The following PRKAR1B variants were observed in gnomAD, a reference collection of about 807,000 sequenced individuals.
PRKAR1B encodes the protein protein kinase cAMP-dependent type I regulatory subunit beta.
PRKAR1B carries 22 observed loss-of-function variants against 46.5 expected under a neutral mutation model. The ratio of observed to expected loss-of-function variants is 0.47; its 90% CI spans 0.34 to 0.68. The LOEUF is 0.68. Ranked by LOEUF, PRKAR1B falls within the 30% of genes least tolerant of loss-of-function variation. PRKAR1B has a pLI of 0.01. For missense variants in PRKAR1B, 445 were observed against 535.6 expected (o/e 0.83, Z 1.67); for synonymous variants, 259 against 217.7 (o/e 1.19, Z -1.67).
At chr7:688,581 AAC>A (rs1286476589) in intron 2 of PRKAR1B, among the ~76,000 whole-genome samples, 1 of 151,966 alleles carries the variant, frequency 6.6e-6, no homozygotes, top group Non-Finnish European at 1.5e-5. Context: ...TCCCACACGA[AAC>A]ACACTTCCGC....
chr7:560,906 T>G lies in PRKAR1B; in HGVS notation c.892-9436A>C, dbSNP rs1011314258. On this transcript the variant is annotated intron_variant, in intron 9 of 10. Transcript: ENST00000537384. This position sits in a 1 kb window ranked among gnomAD's most constrained non-coding sequence, Gnocchi z 4.2. ...ACGTTCCTCCCTCCAGTGAGACTCC[T>G]CAGAGCCTGGAAAATTCAGGCTCAC... Among the ~76,000 whole-genome samples the G allele has an allele frequency of 6.6e-6, 1 of 152,178 alleles. No homozygotes were observed. The highest frequency in any genetic ancestry group is 1.5e-5 in the Non-Finnish European group (1 of 68,028).
chr7:615,998 A>G (rs1782799691), intron 4 of PRKAR1B, among the ~76,000 whole-genome samples: 1 of 98,060 alleles, frequency 1.0e-5, no homozygotes, highest in Non-Finnish European at 2.0e-5. Flanking sequence ...GAGAGAAAGA[A>G]AAAGGAAGAA....
chr7:613,124 A>G (rs1782619748), intron 4 of PRKAR1B, among the ~76,000 whole-genome samples: 1 of 152,174 alleles, frequency 6.6e-6, no homozygotes, highest in Non-Finnish European at 1.5e-5. Context: ...TACAATTTAA[A>G]AACACAACCA....
rs1233061087 is a variant in PRKAR1B, at chr7:660,527, G to A, written c.440+16702C>T. On this transcript the variant is annotated intron_variant, in intron 4 of 10. Transcript: ENST00000537384. ...TCCAAATACCTACTCTCCCCCCCATGGCACAGGTCCCCACCCCAACGGGTC... is the reference window on the plus strand; with the variant it reads ...TCCAAATACCTACTCTCCCCCCCATAGCACAGGTCCCCACCCCAACGGGTC... 7.7e-3 allele frequency among the ~76,000 whole-genome samples: 521 copies of A among 67,464 alleles called. 1 individual carries two copies. The highest frequency in any genetic ancestry group is 0.013 in the East Asian group (31 of 2,366). The allele number at this position is 67,464 out of a possible 152,430, so 44.3% of individuals were successfully genotyped here. A position where few individuals can be genotyped will look rare whatever the true frequency, so the allele number is the denominator to read the frequency against.
intron 9 of PRKAR1B, among the ~76,000 whole-genome samples, chr7:576,970 G>A (rs924509217): frequency 2.2e-4 from 33 of 150,950 alleles, no homozygotes; most frequent in African/African-American, 5.6e-4. Flanking sequence ...CGCCATCAGC[G>A]GCCTCGTCCA....
At chr7:672,594 G>A (rs1004925182) in intron 4 of PRKAR1B, among the ~76,000 whole-genome samples, 7 of 152,134 alleles carry the variant, frequency 4.6e-5, no homozygotes, top group Admixed American at 1.3e-4. Flanking sequence ...ATAGCCAGGC[G>A]CGATGGCTCA....
intron 7 of PRKAR1B, among the ~76,000 whole-genome samples, chr7:587,455 C>T (rs760401657): frequency 3.9e-5 from 6 of 152,196 alleles, no homozygotes; most frequent in Admixed American, 6.5e-5. Flanking sequence ...TACCCACTGC[C>T]GTGGTGAAGT....
In PRKAR1B at chr7:596,150, A is replaced by G; in HGVS notation, c.704T>C (p.Leu235Pro). 1.2e-6 allele frequency: 2 copies of G among 1,613,104 alleles called. No homozygotes were observed. Among genetic ancestry groups the G allele is most frequent in the Non-Finnish European group, 1.7e-6 (2 of 1,179,424 alleles). Residue 235 changes from leucine to proline, a missense_variant, in exon 7 of 11, where the codon CTT becomes CCT. Around this residue, in one of 5 missense-constraint regions of PRKAR1B, gnomAD observed 51 missense variants for 85.1 expected, o/e 0.60. Coordinates refer to ENST00000537384, the MANE Select transcript of PRKAR1B (RefSeq NM_001164760.2). ...TGTGCTTGGGCACCAACTCACCATA[A>G]GGATGCGCCGGTAGCTGTCCCGGTC... is the stretch of plus-strand genomic sequence containing the variant. The part of the protein sequence containing the change: ...GIDRDSYRRI[L>P]MGSTLRKRKM...
At chr7:566,153 CAT>C (rs1779112456) in intron 9 of PRKAR1B, among the ~76,000 whole-genome samples, 1 of 150,422 alleles carries the variant, frequency 6.6e-6, no homozygotes, top group Non-Finnish European at 1.5e-5. Flanking sequence ...TTATCATTAC[CAT>C]TACCATCATC....
At chr7:587,543 G>T (rs1179815084) in intron 7 of PRKAR1B, among the ~76,000 whole-genome samples, 1 of 152,250 alleles carries the variant, frequency 6.6e-6, no homozygotes, top group Non-Finnish European at 1.5e-5. Context: ...GCCACCCACA[G>T]CCAGATGCAA....
chr7:705,991 T>A (rs1331907852), intron 2 of PRKAR1B, among the ~76,000 whole-genome samples: 1 of 148,580 alleles, frequency 6.7e-6, no homozygotes, highest in African/African-American at 2.5e-5. Context: ...GTGCCACTGC[T>A]CTCCAGCCTG....
At chr7:561,294 CCA>C (rs1419524583) in intron 9 of PRKAR1B, among the ~76,000 whole-genome samples, 2 of 152,084 alleles carry the variant, frequency 1.3e-5, no homozygotes, top group Admixed American at 6.6e-5. Flanking sequence ...ACACACACAT[CCA>C]CAGAGGATGC....
At chr7:692,428 C>CAGAGAGAGAG (rs138479588) in intron 2 of PRKAR1B, among the ~76,000 whole-genome samples, 5 of 148,444 alleles carry the variant, frequency 3.4e-5, no homozygotes, top group African/African-American at 1.2e-4. Flanking sequence ...GACAGAGAGA[C>CAGAGAGAGAG]AGAGAGAGAG....
intron 4 of PRKAR1B, among the ~76,000 whole-genome samples, chr7:634,662 T>G (rs1275661533): frequency 1.3e-5 from 2 of 148,276 alleles, no homozygotes; most frequent in East Asian, 2.0e-4. Flanking sequence ...TTTTTTAAGG[T>G]GGAGTCTCGC....
chr7:623,905 C>T (rs1266356436), intron 4 of PRKAR1B, among the ~76,000 whole-genome samples: 11 of 152,188 alleles, frequency 7.2e-5, no homozygotes, highest in South Asian at 4.1e-4. Flanking sequence ...GCCAAGTGTC[C>T]GCTCTACCCT....
At chr7:713,366 C>T (rs1374973209) in intron 1 of PRKAR1B, among the ~76,000 whole-genome samples, 1 of 151,094 alleles carries the variant, frequency 6.6e-6, no homozygotes, top group Non-Finnish European at 1.5e-5. Flanking sequence ...GCCTGTCCAG[C>T]CCCCGGGTCC....
At chr7:661,752 G>A (rs1202817253) in intron 4 of PRKAR1B, among the ~76,000 whole-genome samples, 1 of 16,690 alleles carries the variant, frequency 6.0e-5, no homozygotes, top group African/African-American at 3.1e-4. Flanking sequence ...ACTCTCCCCC[G>A]CAAGGCACAG....
intron 4 of PRKAR1B, among the ~76,000 whole-genome samples, chr7:645,508 CG>C (rs1784577982): frequency 6.6e-6 from 1 of 152,046 alleles, no homozygotes; most frequent in African/African-American, 2.4e-5. Context: ...AATAATTAGC[CG>C]GGTGTGATGG....
At chr7:639,036 C>T (rs930031908) in intron 4 of PRKAR1B, among the ~76,000 whole-genome samples, 3 of 152,088 alleles carry the variant, frequency 2.0e-5, no homozygotes, top group Admixed American at 1.3e-4. Context: ...CAAAATCGCG[C>T]CACTGTACTC....
Sources: allele counts gnomAD v4.1 joint callset (sites outside exome capture counted in the v4.1 genomes callset), GRCh38; gene constraint gnomAD v4.1.1; regional missense constraint gnomAD v4.1.1; non-coding constraint Gnocchi (gnomAD v3.1); transcripts MANE v1.5; gene names NCBI Gene and HGNC (gene_info 2026-07-23, HGNC 2026-07-21).